The following PRUNE1 variants were observed in gnomAD, a reference collection of about 807,000 sequenced individuals.
PRUNE1 encodes the protein prune exopolyphosphatase 1, also known as exopolyphosphatase PRUNE1.
PRUNE1 carries 25 observed loss-of-function variants against 42.5 expected under a neutral mutation model. The observed-to-expected ratio is 0.59, with a 90% CI of 0.43 to 0.82. The LOEUF (loss-of-function observed/expected upper bound fraction) is 0.82, where lower values mean the gene tolerates loss of function less well. PRUNE1 is among the 40% of genes least tolerant of loss of function. The pLI is 0.00. For synonymous variants in PRUNE1, 203 were observed against 217.1 expected (o/e 0.93, Z 0.57); for missense variants, 443 against 539.3 (o/e 0.82, Z 1.77).
Position 151,018,320 on chromosome 1 carries a change from A to G in PRUNE1, c.133-147A>G, listed in dbSNP as rs182018324. The G allele has an allele frequency of 7.7e-5, 62 of 800,692 alleles. No homozygotes were observed. The East Asian group carries it at 1.3e-3, about 16-fold the overall frequency. 49.6% of individuals were successfully genotyped at this position (800,692 alleles called of 1,614,324 possible). A position where few individuals can be genotyped will look rare whatever the true frequency, so the allele number is the denominator to read the frequency against. ...CTAAGAAGGAGGGAGGGCAAAAGTC[A>G]TCCTTTCATTTTTATAGACTGGGTA... On this transcript the variant is annotated intron_variant, in intron 2 of 7. Transcript: ENST00000271620.
chr1:151,034,625 G>A lies in PRUNE1; in HGVS notation c.*391G>A, dbSNP rs1675450168. The A allele has an allele frequency of 5.5e-6, 1 of 180,332 alleles. No homozygotes were observed. Among genetic ancestry groups the A allele is most frequent in the Non-Finnish European group, 1.2e-5 (1 of 83,586 alleles). 11.2% of individuals were successfully genotyped at this position (180,332 alleles called of 1,614,324 possible). On this transcript the variant is annotated 3_prime_UTR_variant, in exon 8 of 8. Transcript: ENST00000271620. ...CTGAACATTCATCGATGGTCTCCAT[G>A]TATTCATTTATTCACTTGTTCATTC... is the stretch of plus-strand genomic sequence containing the variant.
At chr1:151,027,100 A>C (rs1674893061) in intron 5 of PRUNE1, 133 bp from the exon 6 acceptor site, 1 of 557,158 alleles carries the variant, frequency 1.8e-6, no homozygotes, top group Non-Finnish European at 3.2e-6. Flanking sequence ...TTACATTTTC[A>C]ATTATCTCCC....
At chr1:151,016,595 G>A (rs1674116407) in intron 1 of PRUNE1, among the ~76,000 whole-genome samples, 2 of 151,936 alleles carry the variant, frequency 1.3e-5, no homozygotes, top group African/African-American at 2.4e-5. Flanking sequence ...TCCGTCTGCC[G>A]GGTTGAAGCA....
intron 1 of PRUNE1, among the ~76,000 whole-genome samples, chr1:151,014,479 A>G (rs1673979209): frequency 6.6e-6 from 1 of 152,210 alleles, no homozygotes; most frequent in Non-Finnish European, 1.5e-5. Context: ...GGCAATTGAT[A>G]CCACCAGAAG....
chr1:151,027,298 G>C lies in PRUNE1; in HGVS notation c.745G>C (p.Ala249Pro). Residue 249 changes from alanine (A) to proline (P), a missense_variant, in exon 6 of 8, where the codon GCC (alanine) becomes CCC (proline). Ala to Pro is a conservative substitution (Grantham distance 27, BLOSUM62 -1). Coordinates refer to ENST00000271620, the MANE Select transcript of PRUNE1 (RefSeq NM_021222.3). ...KTIYRQGVKVAISAIYMDLEA... is the reference protein window; with the variant it reads ...KTIYRQGVKVPISAIYMDLEA... ...TATCTATAGACAAGGCGTCAAGGTG[G>C]CCATTAGTGCAATATATATGGATTT... 6.2e-7 allele frequency: 1 copy of C among 1,609,892 alleles called. No individual in the cohort carries two copies.
chr1:151,012,858 G>A (rs950507523), intron 1 of PRUNE1, among the ~76,000 whole-genome samples: 4 of 150,968 alleles, frequency 2.6e-5, no homozygotes, highest in South Asian at 2.1e-4. Flanking sequence ...TGCAACCTCC[G>A]CCTCCCGGGT....
chr1:151,021,291 A>G (rs900143945), intron 3 of PRUNE1, among the ~76,000 whole-genome samples: 2 of 151,922 alleles, frequency 1.3e-5, no homozygotes, highest in Non-Finnish European at 1.5e-5. Context: ...CCCCATCTCT[A>G]CTAAAAATAC....
In PRUNE1 at chr1:151,023,516, G is replaced by A. The variant is rs201904701; in HGVS notation, c.336-1095G>A. ...GGGCGGATCACGAGGTCAGGAGTTC[G>A]AGACCAGCCTGGCCAATATGGTGAA... On this transcript the variant is annotated intron_variant, in intron 3 of 7. Coordinates refer to ENST00000271620, the MANE Select transcript of PRUNE1 (RefSeq NM_021222.3). Among the ~76,000 whole-genome samples, 35 of 151,876 alleles carry A rather than the reference G, an allele frequency of 2.3e-4. No individual in the cohort carries two copies. The East Asian group carries it at 6.2e-3, about 27-fold the overall frequency.
chr1:151,030,001 C>A (rs892499175), intron 7 of PRUNE1, among the ~76,000 whole-genome samples: 1 of 151,710 alleles, frequency 6.6e-6, no homozygotes, highest in Non-Finnish European at 1.5e-5. Flanking sequence ...CGGTGGCTCA[C>A]ACCTGTAATC....
chr1:151,023,493 G>T (rs923973577), intron 3 of PRUNE1, among the ~76,000 whole-genome samples: 2 of 152,108 alleles, frequency 1.3e-5, no homozygotes, highest in Non-Finnish European at 2.9e-5. Context: ...GCCGAGGCGG[G>T]CGGATCACGA....
chr1:151,019,555 T>TAAAA (rs1238722459), intron 3 of PRUNE1, among the ~76,000 whole-genome samples: 1 of 56,422 alleles, frequency 1.8e-5, no homozygotes, highest in African/African-American at 5.9e-5. Flanking sequence ...AGACCCTGTC[T>TAAAA]CAAAAAAAAA....
intron 3 of PRUNE1, among the ~76,000 whole-genome samples, chr1:151,021,526 A>G (rs952927051): frequency 3.9e-5 from 6 of 152,158 alleles, no homozygotes; most frequent in South Asian, 2.1e-4. Context: ...ATTTATAATA[A>G]TTCCATCCCT....
At chr1:151,023,654 G>T (rs1391980258) in intron 3 of PRUNE1, among the ~76,000 whole-genome samples, 2 of 151,334 alleles carry the variant, frequency 1.3e-5, no homozygotes, top group Non-Finnish European at 2.9e-5. Flanking sequence ...GGAGGCGGAG[G>T]TTGCAGTGAG....
intron 3 of PRUNE1, among the ~76,000 whole-genome samples, chr1:151,023,964 C>T (rs879507644): frequency 1.5e-4 from 23 of 151,930 alleles, no homozygotes; most frequent in Admixed American, 5.9e-4. Flanking sequence ...GGGCAGATCA[C>T]GAGGTCAGGA....
Position 151,017,887 on chromosome 1 carries a change from G to C in PRUNE1, c.115G>C (p.Ala39Pro), listed in dbSNP as rs756008936. 14 of 1,591,674 alleles carry C rather than the reference G, an allele frequency of 8.8e-6. No individual in the cohort carries two copies. The South Asian group carries it at 1.5e-4, about 18-fold the overall frequency. ...CTCCACAGTGTCTGCTCTTGCCCTG[G>C]CTTTTTACCTAGCAAAGGTGGGTAA... is the stretch of plus-strand genomic sequence containing the variant. ...LDSTVSALAL[A>P]FYLAKTTEAE... The change falls in exon 2 of 8, where the codon GCT (alanine) becomes CCT (proline). Residue 39 changes from alanine (A) to proline (P), a missense_variant. Transcript: ENST00000271620.
intron 1 of PRUNE1, among the ~76,000 whole-genome samples, chr1:151,016,583 C>T (rs898626390): frequency 6.6e-6 from 1 of 152,000 alleles, no homozygotes; most frequent in East Asian, 2.0e-4. Context: ...CTCACTGCAA[C>T]CTCCGTCTGC....
rs1674199887 is a variant in PRUNE1, at chr1:151,017,891, T to A, written c.119T>A (p.Phe40Tyr). 3.2e-6 allele frequency: 5 copies of A among 1,586,300 alleles called. No homozygotes were observed. Among genetic ancestry groups the A allele is most frequent in the Non-Finnish European group, 4.3e-6 (5 of 1,154,986 alleles). ...DSTVSALALA[F>Y]YLAKTTEAEE... The stretch of plus-strand genomic sequence containing the variant: ...ACAGTGTCTGCTCTTGCCCTGGCTT[T>A]TTACCTAGCAAAGGTGGGTAAAAAA... Residue 40 changes from phenylalanine (F) to tyrosine (Y), a missense_variant, in exon 2 of 8, where the codon TTT becomes TAT. Coordinates refer to ENST00000271620, the MANE Select transcript of PRUNE1 (RefSeq NM_021222.3).
At chr1:151,015,217 C>T (rs1674024320) in intron 1 of PRUNE1, among the ~76,000 whole-genome samples, 1 of 150,540 alleles carries the variant, frequency 6.6e-6, no homozygotes, top group South Asian at 2.1e-4. Context: ...TAGTCTACTA[C>T]AGCTACTCGG....
chr1:151,008,716 C>T, intron 1 of PRUNE1, 45 bp downstream of exon 1: 1 of 1,607,498 alleles, frequency 6.2e-7, no homozygotes, highest in Non-Finnish European at 8.5e-7. Flanking sequence ...AGCACGGGGT[C>T]CAGGAAGGAC....
Sources: gnomAD v4.1 joint callset for allele counts (sites outside exome capture counted in the v4.1 genomes callset) on GRCh38, gnomAD v4.1.1 for gene constraint, MANE v1.5 for transcripts, NCBI Gene and HGNC (gene_info 2026-07-23, HGNC 2026-07-21) for gene names.